The following ZNF823 variants were observed in gnomAD, a reference collection of about 807,000 sequenced individuals.
ZNF823 encodes the protein ZFP 36 for a zinc finger protein.
A neutral mutation model predicts 11.4 loss-of-function variants in ZNF823; 5 were observed. That is an observed-to-expected ratio of 0.44 (90% CI 0.23 to 0.92). The LOEUF (loss-of-function observed/expected upper bound fraction) is 0.92, where lower values mean the gene tolerates loss of function less well. Ranked by LOEUF, ZNF823 falls within the 40% of genes least tolerant of loss-of-function variation. The pLI, the probability that ZNF823 is intolerant of heterozygous loss-of-function variation, is 0.24. For synonymous variants in ZNF823, 234 were observed against 250.5 expected (o/e 0.93, Z 0.62); for missense variants, 582 against 738.5 (o/e 0.79, Z 2.46).
At chr19:11,731,224 A>C (rs972401505) in intron 1 of ZNF823, among the ~76,000 whole-genome samples, 5 of 152,064 alleles carry the variant, frequency 3.3e-5, no homozygotes, top group Non-Finnish European at 7.4e-5. Flanking sequence ...AGGCAGGAGA[A>C]TCGCTTGAAC....
rs75774109 is a variant in ZNF823, at chr19:11,728,004, G to A, written c.4-2677C>T. On this transcript the variant is annotated intron_variant, in intron 1 of 3. Transcript: ENST00000341191. ...CCATTCTCCTGCCTCAGCCTCCCAA[G>A]TAGTTGGGACTACAGGCACATGCCA... Among the ~76,000 whole-genome samples, 1,545 of 151,620 alleles carry A rather than the reference G, an allele frequency of 0.01. 65 individuals are homozygous for A. The East Asian group carries it at 0.15, about 15-fold the overall frequency.
chr19:11,721,303 T>A lies in ZNF823; in HGVS notation c.*398A>T, dbSNP rs907051536. The A allele has an allele frequency of 6.1e-6, 1 of 162,710 alleles. No homozygotes were observed. Among genetic ancestry groups the A allele is most frequent in the Non-Finnish European group, 1.3e-5 (1 of 74,848 alleles). The allele number at this position is 162,710 out of a possible 1,614,324, so 10.1% of individuals were successfully genotyped here. On this transcript the variant is annotated 3_prime_UTR_variant, in exon 4 of 4. Transcript: ENST00000341191. Reference sequence around the variant, plus strand: ...AAATTTTAATGTTCTGGGTGACATATACCACGTAGGTGGGCCTGCAATGGT... The same window carrying A: ...AAATTTTAATGTTCTGGGTGACATAAACCACGTAGGTGGGCCTGCAATGGT...
chr19:11,724,220 C>T lies in ZNF823; in HGVS notation c.165G>A (p.Gln55=), dbSNP rs1342890932. 1 of 1,610,548 alleles carries T rather than the reference C, an allele frequency of 6.2e-7. No individual in the cohort carries two copies. The highest frequency in any genetic ancestry group is 1.3e-5 in the African/African-American group (1 of 74,772). ...TTAGATTTCTCTTGGCATTTTGGCA[C>T]TGATCTCCAATGTTCTGGTCCTCCC... ...MKWEDQNIGD[Q]CQNAKRNLRS... is the part of the protein sequence containing the mutation. The change falls in exon 3 of 4, where the codon CAG becomes CAA. Residue 55 remains glutamine, a synonymous_variant. Coordinates refer to ENST00000341191, the MANE Select transcript of ZNF823 (RefSeq NM_001080493.4).
intron 1 of ZNF823, among the ~76,000 whole-genome samples, chr19:11,732,196 G>C (rs56010164): frequency 5.0e-5 from 7 of 140,154 alleles, no homozygotes; most frequent in African/African-American, 2.0e-4. Flanking sequence ...ATGGAGTCTC[G>C]CTCTGTCGCC....
Position 11,721,850 on chromosome 19 carries a change from T to C in ZNF823, c.1684A>G (p.Lys562Glu). Residue 562 changes from lysine to glutamate, a missense_variant, in exon 4 of 4, where the codon AAA becomes GAA. Physicochemically the swap from Lys to Glu is moderately conservative, Grantham distance 56. Coordinates refer to ENST00000341191, the MANE Select transcript of ZNF823 (RefSeq NM_001080493.4). ...EKPYECLQCG[K>E]AFTRSRFLRG... ...AGGAAACGGGAACGAGTGAAGGCTT[T>C]ACCACATTGTAGACATTCATAGGGT... is the stretch of plus-strand genomic sequence containing the variant. 1 of 1,614,094 alleles carries C rather than the reference T, an allele frequency of 6.2e-7. No individual in the cohort carries two copies. The highest frequency in any genetic ancestry group is 8.5e-7 in the Non-Finnish European group (1 of 1,179,994).
At chr19:11,725,403 T>C in intron 1 of ZNF823, 76 bp from the exon 2 acceptor site, 3 of 1,578,798 alleles carry the variant, frequency 1.9e-6, no homozygotes, top group South Asian at 2.3e-5. Flanking sequence ...TGCATAAACT[T>C]TGCATGATGC....
chr19:11,730,660 C>T (rs1405569469), intron 1 of ZNF823: 3 of 151,852 alleles, frequency 2.0e-5, no homozygotes, highest in African/African-American at 4.8e-5. Context: ...TGCTCAACAC[C>T]GATGTTAATC....
chr19:11,724,611 T>C (rs1215957527), intron 2 of ZNF823, among the ~76,000 whole-genome samples: 11 of 146,000 alleles, frequency 7.5e-5, no homozygotes, highest in Admixed American at 7.2e-4. Flanking sequence ...CAGGCTGGAG[T>C]GCAGTGGCGC....
chr19:11,737,815 C>T (rs1439093093), intron 1 of ZNF823, among the ~76,000 whole-genome samples: 1 of 152,102 alleles, frequency 6.6e-6, no homozygotes, highest in Non-Finnish European at 1.5e-5. Context: ...GATTTGCTGC[C>T]AGCCCTAGGA....
chr19:11,725,455 T>A (rs1056575626), intron 1 of ZNF823, 128 bp from the exon 2 acceptor site: 1 of 1,294,820 alleles, frequency 7.7e-7, no homozygotes, highest in African/African-American at 1.5e-5. Context: ...GTAAACCCAC[T>A]CTTATTTTGT....
At chr19:11,735,281 C>CAAAAAA (rs60923876) in intron 1 of ZNF823, among the ~76,000 whole-genome samples, 28 of 99,340 alleles carry the variant, frequency 2.8e-4, no homozygotes, top group South Asian at 7.3e-4. Flanking sequence ...TTTCAAAAAA[C>CAAAAAA]AAAAAAAAAA....
At chr19:11,725,358 G>C (rs1406726168) in intron 1 of ZNF823, 31 bp from the exon 2 acceptor site, 4 of 1,610,964 alleles carry the variant, frequency 2.5e-6, no homozygotes, top group Non-Finnish European at 3.4e-6. Flanking sequence ...AGAGGAGGAA[G>C]GTTGAGATGG....
chr19:11,734,397 C>A (rs1268980886), intron 1 of ZNF823, among the ~76,000 whole-genome samples: 4 of 152,192 alleles, frequency 2.6e-5, no homozygotes, highest in Non-Finnish European at 5.9e-5. Context: ...AAAAACCCCA[C>A]CAAATTCCCA....
At chr19:11,738,505 C>A (rs1323789335) in intron 1 of ZNF823, among the ~76,000 whole-genome samples, 1 of 152,244 alleles carries the variant, frequency 6.6e-6, no homozygotes, top group Non-Finnish European at 1.5e-5. Flanking sequence ...TGACTCGGGC[C>A]GTGAACCTGT....
intron 1 of ZNF823, among the ~76,000 whole-genome samples, chr19:11,738,106 C>T (rs905781656): frequency 3.3e-5 from 5 of 152,198 alleles, no homozygotes; most frequent in Non-Finnish European, 7.3e-5. Flanking sequence ...CCCTCAGCCC[C>T]GCTGCCTCAC....
At chr19:11,734,600 C>T (rs10415655) in intron 1 of ZNF823, among the ~76,000 whole-genome samples, 2 of 152,242 alleles carry the variant, frequency 1.3e-5, no homozygotes, top group Non-Finnish European at 2.9e-5. Context: ...TGCAGTGGCA[C>T]GATCTCAGCT....
chr19:11,732,033 G>T (rs1006097975), intron 1 of ZNF823, among the ~76,000 whole-genome samples: 1 of 150,252 alleles, frequency 6.7e-6, no homozygotes, highest in South Asian at 2.1e-4. Flanking sequence ...AAAAAAATTG[G>T]CTAAAATAAC....
chr19:11,730,576 A>C (rs1974875105), intron 1 of ZNF823: 1 of 152,146 alleles, frequency 6.6e-6, no homozygotes, highest in Non-Finnish European at 1.5e-5. Context: ...CCCTGACTTA[A>C]AAATTAATTA....
Position 11,722,492 on chromosome 19 carries a change from G to A in ZNF823, c.1042C>T (p.Arg348Ter), listed in dbSNP as rs200817135. Reference sequence around the variant, plus strand: ...CCAGTGTGAGTAGTTTCATGATTTCGAACTGAACTAGGACAATCAAAGCCT... The same window carrying A: ...CCAGTGTGAGTAGTTTCATGATTTCAAACTGAACTAGGACAATCAAAGCCT... ...GKGFDCPSSV[R>*]NHETTHTGEK... The change falls in exon 4 of 4, where the codon CGA (arginine) becomes TGA (stop). Residue 348 changes from arginine (R) to a stop codon, truncating the protein, a stop_gained. Coordinates refer to ENST00000341191, the MANE Select transcript of ZNF823 (RefSeq NM_001080493.4). LOFTEE classifies it low-confidence loss of function (END_TRUNC). This position sits in a 1 kb window ranked among gnomAD's most constrained non-coding sequence, Gnocchi z 5.2. 41 of 1,614,050 alleles carry A rather than the reference G, an allele frequency of 2.5e-5. No homozygotes were observed. Among genetic ancestry groups the A allele is most frequent in the Non-Finnish European group, 3.3e-5 (39 of 1,180,032 alleles).
Sources: gnomAD v4.1 joint callset for allele counts (sites outside exome capture counted in the v4.1 genomes callset) on GRCh38, gnomAD v4.1.1 for gene constraint, Gnocchi (gnomAD v3.1) non-coding constraint, MANE v1.5 for transcripts, NCBI Gene and HGNC (gene_info 2026-07-23, HGNC 2026-07-21) for gene names.